Variants in ADAT1 observed in about 807,000 individuals in gnomAD.
ADAT1 encodes the protein adenosine deaminase tRNA specific 1.
A neutral mutation model predicts 58.6 loss-of-function variants in ADAT1; 58 were observed. The ratio of observed to expected loss-of-function variants is 0.99; its 90% CI spans 0.80 to 1.23. The LOEUF is 1.23. Ranked by LOEUF, ADAT1 falls within the 50% of genes most tolerant of loss-of-function variation. The probability of loss-of-function intolerance (pLI) is 0.00; values close to 1 mark genes in which losing one functional copy is unlikely to be tolerated. For missense variants in ADAT1, 741 were observed against 608.6 expected (o/e 1.22, Z -2.29); for synonymous variants, 254 against 220.8 (o/e 1.15, Z -1.33).
chr16:75,621,977 GTC>G (rs1441654925), intron 1 of ADAT1, among the ~76,000 whole-genome samples: 2 of 152,314 alleles, frequency 1.3e-5, no homozygotes, highest in East Asian at 3.9e-4. Context: ...GTGAAACCCT[GTC>G]TCTACTGAAA....
chr16:75,601,900 A>G (rs1038637710), intron 9 of ADAT1: 4 of 152,188 alleles, frequency 2.6e-5, no homozygotes, highest in African/African-American at 9.7e-5. Flanking sequence ...GCTACTCCTT[A>G]GTTTCCCCAC....
chr16:75,608,459 G>A (rs1356843338), intron 7 of ADAT1, 136 bp from the exon 8 acceptor site: 3 of 718,262 alleles, frequency 4.2e-6, no homozygotes, highest in East Asian at 2.7e-5. Context: ...GACTGCTATT[G>A]GATGCTTGGC....
chr16:75,620,555 G>A (rs1479446843), intron 2 of ADAT1, 76 bp downstream of exon 2: 5 of 1,550,410 alleles, frequency 3.2e-6, no homozygotes, highest in Non-Finnish European at 4.4e-6. Flanking sequence ...ACCCACGACT[G>A]TACCCTCACA....
rs1163510620 is a variant in ADAT1 at position 75,618,098 on chromosome 16, C to CAAAAAAAAAAA, written c.293+477_293+487dup. Among the ~76,000 whole-genome samples, 34 of 32,528 alleles carry CAAAAAAAAAAA rather than the reference C, an allele frequency of 1.0e-3. 1 individual carries two copies. Among genetic ancestry groups the CAAAAAAAAAAA allele is most frequent in the African/African-American group, 2.8e-3 (32 of 11,586 alleles). The allele number at this position is 32,528 out of a possible 152,430, so 21.3% of individuals were successfully genotyped here. On this transcript the variant is annotated intron_variant, in intron 4 of 9. Coordinates refer to ENST00000564657, the MANE Select transcript of ADAT1 (RefSeq NM_001324445.2). ...AGGTAACAGAGCAAGACCCTGTGTC[C>CAAAAAAAAAAA]AAAAAAAAAAAAAAAAAAAAAAAAA...
intron 8 of ADAT1, among the ~76,000 whole-genome samples, chr16:75,606,781 A>G (rs1567467710): frequency 6.6e-6 from 1 of 152,234 alleles, no homozygotes; most frequent in Non-Finnish European, 1.5e-5. Context: ...TGTTGTTTTA[A>G]GCTGTTATTT....
chr16:75,621,860 G>C (rs1597149454), intron 1 of ADAT1, among the ~76,000 whole-genome samples: 2 of 152,164 alleles, frequency 1.3e-5, no homozygotes, highest in Non-Finnish European at 2.9e-5. Flanking sequence ...CTTCCCAGTA[G>C]AAGATGAGCT....
intron 6 of ADAT1, among the ~76,000 whole-genome samples, chr16:75,611,268 C>T (rs1386717102): frequency 2.0e-5 from 3 of 152,210 alleles, no homozygotes; most frequent in Admixed American, 2.0e-4. Context: ...ATTAATAATA[C>T]CTTAGCGCTC....
intron 8 of ADAT1, among the ~76,000 whole-genome samples, chr16:75,608,011 A>G (rs1048216582): frequency 6.6e-6 from 1 of 152,242 alleles, no homozygotes; most frequent in Non-Finnish European, 1.5e-5. Flanking sequence ...TAGGATTCCA[A>G]TGATAGAAAA....
In ADAT1 at chr16:75,612,396, A is replaced by G; in HGVS notation, c.890T>C (p.Met297Thr). 1.2e-6 allele frequency: 2 copies of G among 1,614,238 alleles called. No individual in the cohort carries two copies. Among genetic ancestry groups the G allele is most frequent in the East Asian group, 2.2e-5 (1 of 44,872 alleles). ...TCGGGCCATCTTGTCACTACAGGAC[A>G]TGGAGCGTGTTCTGTCTCCACGGCC... is the stretch of plus-strand genomic sequence containing the variant. ...KPGRGDRTRS[M>T]SCSDKMARWN... Residue 297 changes from methionine to threonine, a missense_variant, in exon 6 of 10, where the codon ATG (methionine) becomes ACG (threonine). By Grantham distance (81) the Met-to-Thr change is moderately conservative. Transcript: ENST00000564657.
intron 2 of ADAT1, 73 bp from the exon 3 acceptor site, chr16:75,620,407 G>A (rs545814376): frequency 3.6e-5 from 55 of 1,531,928 alleles, no homozygotes; most frequent in Non-Finnish European, 4.5e-5. Context: ...TGATCAGCCT[G>A]CACACTCCTC....
At position 75,598,824 on chromosome 16, in the gene ADAT1, A is replaced by G; in HGVS notation, c.*1392T>C. On this transcript the variant is annotated 3_prime_UTR_variant, in exon 10 of 10. Transcript: ENST00000564657. ...GTAAGCCACCGTGCCCGGCCTAAAA[A>G]CTTTTAAAATGTATACTTTAGTTGG... The G allele has an allele frequency of 1.1e-6, 1 of 921,758 alleles. No individual in the cohort carries two copies. Among genetic ancestry groups the G allele is most frequent in the Non-Finnish European group, 1.3e-6 (1 of 772,286 alleles). 57.1% of individuals were successfully genotyped at this position (921,758 alleles called of 1,614,324 possible). A position where few individuals can be genotyped will look rare whatever the true frequency, so the allele number is the denominator to read the frequency against.
Position 75,608,931 on chromosome 16 carries a change from C to A in ADAT1, c.1101G>T (p.Leu367=), listed in dbSNP as rs1468865312. ...TCTGTTCAAATAGTAAATCTGACTG[C>A]AGTATTTTTAATTCTTGAACTCCGA... The part of the protein sequence containing the change: ...KGFGVQELKI[L]QSDLLFEQSR... The change falls in exon 7 of 10, where the codon CTG becomes CTT. Residue 367 remains leucine (L), a synonymous_variant. Coordinates refer to ENST00000564657, the MANE Select transcript of ADAT1 (RefSeq NM_001324445.2). The A allele has an allele frequency of 6.2e-7, 1 of 1,614,226 alleles. No individual in the cohort carries two copies. The highest frequency in any genetic ancestry group is 8.5e-7 in the Non-Finnish European group (1 of 1,180,030).
chr16:75,611,460 A>C (rs2081531500), intron 6 of ADAT1, among the ~76,000 whole-genome samples: 1 of 152,062 alleles, frequency 6.6e-6, no homozygotes, highest in Non-Finnish European at 1.5e-5. Flanking sequence ...ACCTTGGTTC[A>C]CTGCAGCCTC....
At chr16:75,614,536 G>A (rs559223028) in intron 5 of ADAT1, among the ~76,000 whole-genome samples, 65 of 152,306 alleles carry the variant, frequency 4.3e-4, no homozygotes, top group Non-Finnish European at 8.1e-4. Flanking sequence ...AAGAGATACA[G>A]AAGTGGGAAT....
rs755740977 is a variant in ADAT1, at chr16:75,612,406, TTC to T, written c.878_879del (p.Arg293AsnfsTer7). On this transcript the variant is annotated frameshift_variant, in exon 6 of 10. Coordinates refer to ENST00000564657, the MANE Select transcript of ADAT1 (RefSeq NM_001324445.2). LOFTEE classifies it high-confidence loss of function. ...TTGTCACTACAGGACATGGAGCGTG[TTC>T]TGTCTCCACGGCCTGGCTTCACTCG... ...LLRVKPGRGD[R>X]TRSMSCSDKM... 6.2e-7 allele frequency: 1 copy of T among 1,614,240 alleles called. No homozygotes were observed. The highest frequency in any genetic ancestry group is 8.5e-7 in the Non-Finnish European group (1 of 1,180,048).
At chr16:75,615,309 G>A (rs889108535) in intron 5 of ADAT1, among the ~76,000 whole-genome samples, 1 of 150,790 alleles carries the variant, frequency 6.6e-6, no homozygotes, top group Non-Finnish European at 1.5e-5. Context: ...TTCAGGGACT[G>A]TTCTCACAGA....
chr16:75,618,072 T>C (rs2081793683), intron 4 of ADAT1, among the ~76,000 whole-genome samples: 1 of 116,636 alleles, frequency 8.6e-6, no homozygotes, highest in Non-Finnish European at 1.6e-5. Flanking sequence ...CACTCTAGCC[T>C]AGGTAACAGA....
chr16:75,617,417 G>A (rs2081769667), intron 4 of ADAT1, 145 bp from the exon 5 acceptor site: 5 of 852,338 alleles, frequency 5.9e-6, no homozygotes, highest in South Asian at 4.5e-5. Context: ...CTAGACCAGT[G>A]ATTCTCAAAG....
At chr16:75,606,804 G>A (rs1444230624) in intron 8 of ADAT1, among the ~76,000 whole-genome samples, 1 of 152,170 alleles carries the variant, frequency 6.6e-6, no homozygotes, top group Non-Finnish European at 1.5e-5. Context: ...GGGGTAATCT[G>A]TTACATAGAA....
Sources: gnomAD v4.1 joint callset for allele counts (sites outside exome capture counted in the v4.1 genomes callset) on GRCh38, gnomAD v4.1.1 for gene constraint, MANE v1.5 for transcripts, NCBI Gene and HGNC (gene_info 2026-07-23, HGNC 2026-07-21) for gene names.